The following TBX18 variants were observed in gnomAD, a reference collection of about 807,000 sequenced individuals.
TBX18 encodes the protein T-box transcription factor TBX18.
Under a neutral mutation model 55.0 loss-of-function variants are expected in TBX18, and 21 were observed. That is an observed-to-expected ratio of 0.38 (90% CI 0.27 to 0.55). TBX18 has a LOEUF of 0.55. TBX18 is among the 20% of genes least tolerant of loss of function. The probability of loss-of-function intolerance (pLI) is 0.73; values close to 1 mark genes in which losing one functional copy is unlikely to be tolerated. For synonymous variants in TBX18, 342 were observed against 326.1 expected, an observed-to-expected ratio of 1.05 and a Z score of -0.53; for missense variants, 840 against 799.6, an observed-to-expected ratio of 1.05 and a Z score of -0.61.
chr6:84,743,894 A>G (rs1767110788), intron 6 of TBX18, among the ~76,000 whole-genome samples: 1 of 152,218 alleles, frequency 6.6e-6, no homozygotes, highest in Non-Finnish European at 1.5e-5. Flanking sequence ...AGACAATATC[A>G]ATAGATAGTC....
At chr6:84,748,600 G>C (rs558936837) in intron 4 of TBX18, among the ~76,000 whole-genome samples, 35 of 152,142 alleles carry the variant, frequency 2.3e-4, no homozygotes, top group Admixed American at 7.2e-4. Context: ...TGTTTTTTGT[G>C]TGGCTCACAA....
At position 84,732,531 on chromosome 6, in the gene TBX18, T is replaced by G. The variant is rs1372001275; in HGVS notation, c.*4154A>C. 1.3e-5 allele frequency: 2 copies of G among 152,092 alleles called. No individual in the cohort carries two copies. The highest frequency in any genetic ancestry group is 2.9e-5 in the Non-Finnish European group (2 of 67,972). The allele number at this position is 152,092 out of a possible 1,614,324, so 9.4% of individuals were successfully genotyped here. On this transcript the variant is annotated 3_prime_UTR_variant, in exon 8 of 8. Coordinates refer to ENST00000369663, the MANE Select transcript of TBX18 (RefSeq NM_001080508.3). ...GATTTAAATGTATTTTGAATGGACTTGGAATGATCTCCATATATTATAATA... is the reference window on the plus strand; with the variant it reads ...GATTTAAATGTATTTTGAATGGACTGGGAATGATCTCCATATATTATAATA...
At position 84,737,168 on chromosome 6, in the gene TBX18, C is replaced by T; in HGVS notation, c.1341G>A (p.Glu447=). ...AGGGAGTCCTGGGCGGGGCAAAGGT[C>T]TCACCAGCCTGGTTGGTGAGCCTGT... is the stretch of plus-strand genomic sequence containing the variant. ...TYNRLTNQAG[E]TFAPPRTPSY... Residue 447 remains glutamate (E), a synonymous_variant, in exon 8 of 8, where the codon GAG becomes GAA. Transcript: ENST00000369663. 6.2e-7 allele frequency: 1 copy of T among 1,613,852 alleles called. No individual in the cohort carries two copies. The highest frequency in any genetic ancestry group is 2.2e-5 in the East Asian group (1 of 44,870).
At chr6:84,744,550 A>T (rs980597806) in intron 5 of TBX18, among the ~76,000 whole-genome samples, 8 of 152,258 alleles carry the variant, frequency 5.3e-5, no homozygotes, top group Middle Eastern at 3.4e-3. Flanking sequence ...ACTCCTTTTC[A>T]ATCTGCATTA....
chr6:84,738,814 G>A (rs1258035606), intron 6 of TBX18, among the ~76,000 whole-genome samples: 2 of 152,178 alleles, frequency 1.3e-5, no homozygotes, highest in African/African-American at 2.4e-5. Context: ...CAAGATGCCT[G>A]TTAATGTTCT....
At chr6:84,760,818 A>G (rs918793762) in intron 2 of TBX18, among the ~76,000 whole-genome samples, 1 of 152,218 alleles carries the variant, frequency 6.6e-6, no homozygotes. Flanking sequence ...GTGCCATGCT[A>G]TAACCAAACA....
chr6:84,741,234 C>T (rs1767040022), intron 6 of TBX18: 1 of 152,216 alleles, frequency 6.6e-6, no homozygotes, highest in Non-Finnish European at 1.5e-5. Context: ...AAAGGCACCT[C>T]CTGCAGGAGT....
intron 5 of TBX18, among the ~76,000 whole-genome samples, chr6:84,747,193 A>C (rs1280839605): frequency 6.6e-6 from 1 of 152,118 alleles, no homozygotes; most frequent in Non-Finnish European, 1.5e-5. Flanking sequence ...TTGAAAAAAA[A>C]AAAAATCTAC....
intron 6 of TBX18, among the ~76,000 whole-genome samples, 182 bp from the exon 7 acceptor site, chr6:84,738,773 C>CA (rs1430780158): frequency 1.3e-5 from 2 of 152,156 alleles, no homozygotes; most frequent in African/African-American, 4.8e-5. Flanking sequence ...ATCCTGTTAC[C>CA]AGCAGCAGGA....
At position 84,763,944 on chromosome 6, in the gene TBX18, CA is replaced by C. The variant is rs1400368334; in HGVS notation, c.237del (p.Ala81ArgfsTer75). ...CTCCGAGCCGGCCCAGACGTCGCCC[CA>C]GCCGGCGGCGGGAGCGCAGCGCCTT... Reference protein sequence around the residue: ...GDEGAALPPPAGATSGPARSG... With the variant: ...GDEGAALPPPXGATSGPARSG... On this transcript the variant is annotated frameshift_variant, in exon 1 of 8. Coordinates refer to ENST00000369663, the MANE Select transcript of TBX18 (RefSeq NM_001080508.3). LOFTEE classifies it high-confidence loss of function. 6.3e-7 allele frequency: 1 copy of C among 1,580,002 alleles called. No homozygotes were observed. The highest frequency in any genetic ancestry group is 1.4e-5 in the African/African-American group (1 of 73,436).
intron 4 of TBX18, among the ~76,000 whole-genome samples, chr6:84,753,687 A>G (rs1383576578): frequency 6.6e-6 from 1 of 152,204 alleles, no homozygotes; most frequent in Non-Finnish European, 1.5e-5. Flanking sequence ...TACCCTGAAC[A>G]CAATCAACAA....
chr6:84,753,081 A>C lies in TBX18; in HGVS notation c.771+3617T>G, dbSNP rs1469278009. ...TCAAGGACCAGTCTTCATTTGTATA[A>C]AAGCCAGCATAAAGCTCGCTATGGA... On this transcript the variant is annotated intron_variant, in intron 4 of 7. Coordinates refer to ENST00000369663, the MANE Select transcript of TBX18 (RefSeq NM_001080508.3). Among the ~76,000 whole-genome samples the C allele has an allele frequency of 2.6e-5, 4 of 152,236 alleles. No individual in the cohort carries two copies. In the East Asian group the frequency reaches 7.7e-4, roughly 29 times the overall value.
intron 1 of TBX18, 98 bp downstream of exon 1, chr6:84,763,792 T>G: frequency 7.0e-7 from 1 of 1,423,192 alleles, no homozygotes; most frequent in Non-Finnish European, 9.1e-7. Flanking sequence ...TGAGTGGCCT[T>G]GGCCATGTAG....
At chr6:84,760,216 TG>T (rs1264586666) in intron 3 of TBX18, 38 bp downstream of exon 3, 16 of 1,260,700 alleles carry the variant, frequency 1.3e-5, no homozygotes, top group African/African-American at 7.5e-5. Flanking sequence ...AAAATCCTAG[TG>T]TTTTTTTTTT....
rs191374327 is a variant in TBX18, at chr6:84,742,720, C to T, written c.1004+1541G>A. The stretch of plus-strand genomic sequence containing the variant: ...TCTTCAAGCCTGAGTATTTCTCTCC[C>T]GGAATTTCAGTGTTTTAATAAATTC... On this transcript the variant is annotated intron_variant, in intron 6 of 7. Coordinates refer to ENST00000369663, the MANE Select transcript of TBX18 (RefSeq NM_001080508.3). 3.4e-4 allele frequency among the ~76,000 whole-genome samples: 51 copies of T among 152,024 alleles called. 1 individual carries two copies. Among genetic ancestry groups the T allele is most frequent in the African/African-American group, 1.0e-3 (43 of 41,472 alleles).
At chr6:84,763,565 A>G (rs2127883174) in intron 1 of TBX18, 1 of 593,034 alleles carries the variant, frequency 1.7e-6, no homozygotes, top group Admixed American at 2.2e-5. Flanking sequence ...TAGGAAACAA[A>G]AAAGAGCACC....
intron 7 of TBX18, 94 bp downstream of exon 7, chr6:84,738,403 T>C (rs1766941101): frequency 4.2e-6 from 4 of 958,064 alleles, no homozygotes; most frequent in Non-Finnish European, 6.8e-6. Context: ...GAGGTCATTA[T>C]TGTAAGTATA....
rs1015048529 is a variant in TBX18, at chr6:84,764,429, C to G, written c.-248G>C. On this transcript the variant is annotated 5_prime_UTR_variant, in exon 1 of 8. Transcript: ENST00000369663. ...TCTCTCGCGCGCTCTCTCACTGATG[C>G]ACTCCTTTGCTCCCACCCCTTCCAC... The G allele has an allele frequency of 6.0e-6, 3 of 501,196 alleles. No individual in the cohort carries two copies. The highest frequency in any genetic ancestry group is 1.0e-5 in the Non-Finnish European group (3 of 293,700). The allele number at this position is 501,196 out of a possible 1,614,324, so 31.0% of individuals were successfully genotyped here.
intron 6 of TBX18, 103 bp from the exon 7 acceptor site, chr6:84,738,694 C>T (rs897922866): frequency 7.1e-6 from 6 of 847,428 alleles, no homozygotes; most frequent in African/African-American, 1.7e-5. Context: ...CTGATATTGA[C>T]AGTACCCCCA....
Sources: allele counts gnomAD v4.1 joint callset (sites outside exome capture counted in the v4.1 genomes callset), GRCh38; gene constraint gnomAD v4.1.1; transcripts MANE v1.5; gene names NCBI Gene and HGNC (gene_info 2026-07-23, HGNC 2026-07-21).